Variants in LOXHD1 observed in about 807,000 individuals in gnomAD.
LOXHD1 encodes lipoxygenase homology domain-containing protein 1.
Under a neutral mutation model 248.2 loss-of-function variants are expected in LOXHD1, and 205 were observed. The ratio of observed to expected loss-of-function variants is 0.83; its 90% CI spans 0.74 to 0.93. LOXHD1 has a LOEUF of 0.93. Ranked by LOEUF, LOXHD1 falls within the 40% of genes least tolerant of loss-of-function variation. The probability of loss-of-function intolerance (pLI) is 0.00; values close to 1 mark genes in which losing one functional copy is unlikely to be tolerated. For synonymous variants in LOXHD1, 1,113 were observed against 1,162.8 expected (o/e 0.96, Z 0.87); for missense variants, 2,930 against 2,971.6 (o/e 0.99, Z 0.33).
rs2032086119 is a variant in LOXHD1, at chr18:46,477,371, A to G, written c.*101T>C. 2.0e-6 allele frequency: 3 copies of G among 1,492,516 alleles called. No homozygotes were observed. The East Asian group carries it at 7.4e-5, about 37-fold the overall frequency. 92.5% of individuals were successfully genotyped at this position (1,492,516 alleles called of 1,614,324 possible). A position where few individuals can be genotyped will look rare whatever the true frequency, so the allele number is the denominator to read the frequency against. On this transcript the variant is annotated 3_prime_UTR_variant, in exon 41 of 41. Transcript: ENST00000642948. ...AGTTCTCAGTGGACTGCTAGCCCCC[A>G]GTGCCAATGCTAGAGGCTTTGAAGG...
chr18:46,602,544 T>A (rs2038355576), intron 7 of LOXHD1, among the ~76,000 whole-genome samples: 1 of 152,092 alleles, frequency 6.6e-6, no homozygotes, highest in African/African-American at 2.4e-5. Context: ...AAGGCGGTTG[T>A]CACTTTAAGC....
chr18:46,506,575 T>C (rs1056048133), intron 36 of LOXHD1, among the ~76,000 whole-genome samples: 1 of 152,238 alleles, frequency 6.6e-6, no homozygotes, highest in African/African-American at 2.4e-5. Context: ...GAATTTATTA[T>C]TTTCTGAGTG....
intron 14 of LOXHD1, among the ~76,000 whole-genome samples, chr18:46,574,736 C>T (rs2037822798): frequency 6.6e-6 from 1 of 152,164 alleles, no homozygotes; most frequent in African/African-American, 2.4e-5. Flanking sequence ...ACCACTGTGT[C>T]TTTAATGGGC....
chr18:46,645,051 G>A (rs2039011749), intron 2 of LOXHD1, among the ~76,000 whole-genome samples: 1 of 152,244 alleles, frequency 6.6e-6, no homozygotes, highest in African/African-American at 2.4e-5. Context: ...AAGAAGAGGA[G>A]GAAAGAGTGG....
At chr18:46,516,731 CCATCATCACCATCATTATCAT>C (rs1412524680) in intron 34 of LOXHD1, among the ~76,000 whole-genome samples, 4 of 151,882 alleles carry the variant, frequency 2.6e-5, no homozygotes, top group African/African-American at 9.7e-5. Flanking sequence ...ATCATAATCA[CCATCATCACCATCATTATCAT>C]CATCATCACC....
At chr18:46,515,442 C>T (rs2035199334) in intron 34 of LOXHD1, among the ~76,000 whole-genome samples, 1 of 151,916 alleles carries the variant, frequency 6.6e-6, no homozygotes, top group African/African-American at 2.4e-5. Context: ...ATGATGGCTC[C>T]CCTCACAAAA....
chr18:46,482,666 G>C (rs2032676365), intron 40 of LOXHD1, among the ~76,000 whole-genome samples: 2 of 152,214 alleles, frequency 1.3e-5, no homozygotes, highest in Non-Finnish European at 2.9e-5. Context: ...GCTTTGAGAA[G>C]CTTGGCCTCC....
chr18:46,490,557 C>T (rs1469371339), intron 37 of LOXHD1, among the ~76,000 whole-genome samples: 1 of 152,214 alleles, frequency 6.6e-6, no homozygotes. Flanking sequence ...CTCACCGCAA[C>T]CTCCGCCTCC....
chr18:46,597,577 C>G (rs1291835379), intron 8 of LOXHD1, among the ~76,000 whole-genome samples: 1 of 151,818 alleles, frequency 6.6e-6, no homozygotes, highest in East Asian at 1.9e-4. Context: ...CACACACACA[C>G]ACCCCTACCT....
intron 6 of LOXHD1, among the ~76,000 whole-genome samples, chr18:46,606,677 C>T (rs750808371): frequency 1.3e-5 from 2 of 152,104 alleles, no homozygotes; most frequent in Non-Finnish European, 2.9e-5. Context: ...ATCTGAAACA[C>T]TTCTGGTCCC....
chr18:46,505,409 TG>T (rs1202960235), intron 37 of LOXHD1, among the ~76,000 whole-genome samples: 8 of 152,140 alleles, frequency 5.3e-5, no homozygotes, highest in Admixed American at 1.3e-4. Flanking sequence ...CTTGAACTCC[TG>T]GGGCTCAAGC....
chr18:46,522,790 C>A (rs1196109313), intron 31 of LOXHD1, among the ~76,000 whole-genome samples: 1 of 152,180 alleles, frequency 6.6e-6, no homozygotes, highest in East Asian at 1.9e-4. Flanking sequence ...TCCTAGAAGA[C>A]AGCAATTTCC....
intron 5 of LOXHD1, among the ~76,000 whole-genome samples, chr18:46,615,041 C>A (rs1599051175): frequency 6.6e-6 from 1 of 152,104 alleles, no homozygotes; most frequent in South Asian, 2.1e-4. Flanking sequence ...TTAAGAGAAT[C>A]TTTTTAGGAT....
At position 46,560,564 on chromosome 18, in the gene LOXHD1, AG is replaced by A. The variant is rs1248711530; in HGVS notation, c.2599-20del. The stretch of plus-strand genomic sequence containing the variant: ...CCTCAAGCTGTTCAAAGGGCAGGGC[AG>A]CGGCTGTCGTGGCCCCAGCGTCCTC... On this transcript the variant is annotated intron_variant, in intron 18 of 40. Transcript: ENST00000642948. The A allele has an allele frequency of 6.6e-7, 1 of 1,510,098 alleles. No individual in the cohort carries two copies. 93.5% of individuals were successfully genotyped at this position (1,510,098 alleles called of 1,614,324 possible). A position where few individuals can be genotyped will look rare whatever the true frequency, so the allele number is the denominator to read the frequency against.
At chr18:46,548,849 A>T (rs11082534) in intron 21 of LOXHD1, among the ~76,000 whole-genome samples, 12,472 of 152,234 alleles carry the variant, frequency 0.082, 599 homozygotes, top group Non-Finnish European at 0.1. Context: ...GAAAATGCAC[A>T]CAGAGTCTGG....
chr18:46,495,624 T>C (rs2033811148), intron 37 of LOXHD1, among the ~76,000 whole-genome samples: 1 of 152,202 alleles, frequency 6.6e-6, no homozygotes, highest in Non-Finnish European at 1.5e-5. Context: ...CCTCAATACA[T>C]TGTATTCCTC....
At chr18:46,656,538 A>G (rs1235028247) in intron 1 of LOXHD1, among the ~76,000 whole-genome samples, 1 of 152,212 alleles carries the variant, frequency 6.6e-6, no homozygotes, top group Non-Finnish European at 1.5e-5. Context: ...TCATGACCCC[A>G]GCAGTTCAGG....
At chr18:46,581,829 G>A (rs1358108845) in intron 12 of LOXHD1, among the ~76,000 whole-genome samples, 1 of 152,150 alleles carries the variant, frequency 6.6e-6, no homozygotes, top group Non-Finnish European at 1.5e-5. Context: ...TCACATATAA[G>A]GGATGCTCAA....
At chr18:46,521,926 G>A (rs1337517964) in intron 32 of LOXHD1, among the ~76,000 whole-genome samples, 175 bp downstream of exon 32, 1 of 152,100 alleles carries the variant, frequency 6.6e-6, no homozygotes, top group Non-Finnish European at 1.5e-5. Context: ...CACACAGAGG[G>A]GCAGGTGGCT....
Sources: allele counts gnomAD v4.1 joint callset (sites outside exome capture counted in the v4.1 genomes callset), GRCh38; gene constraint gnomAD v4.1.1; transcripts MANE v1.5; gene names NCBI Gene and HGNC (gene_info 2026-07-23, HGNC 2026-07-21).